The following CAPN13 variants were observed in gnomAD, a reference collection of about 807,000 sequenced individuals.
CAPN13 encodes calpain-13.
In CAPN13, 90 loss-of-function variants were observed where a neutral mutation model predicts 98.4. That is an observed-to-expected ratio of 0.92 (90% CI 0.77 to 1.09). The LOEUF (loss-of-function observed/expected upper bound fraction) is 1.09, where lower values mean the gene tolerates loss of function less well. Among genes scored for constraint, CAPN13 ranks in the 50% least tolerant of loss-of-function variants. CAPN13 has a pLI of 0.00. For synonymous variants in CAPN13, 330 were observed against 305.5 expected, an observed-to-expected ratio of 1.08 and a Z score of -0.84; for missense variants, 887 against 841.3, an observed-to-expected ratio of 1.05 and a Z score of -0.67.
At position 30,764,295 on chromosome 2, in the gene CAPN13, G is replaced by C; in HGVS notation, c.536C>G (p.Ser179Cys). ...LEKAYAKLLG[S>C]YSDLHYGFLE... ...GAAGCCATAGTGCAGATCGGAATAG[G>C]ATCCGAGCAGCCTGGGAGGGAATGG... The change falls in exon 6 of 23, where the codon TCC becomes TGC. Residue 179 changes from serine (S) to cysteine (C), a missense_variant. Physicochemically the swap from Ser to Cys is moderately radical, Grantham distance 112. Coordinates refer to ENST00000295055, the MANE Select transcript of CAPN13 (RefSeq NM_144575.3). 1 of 1,613,660 alleles carries C rather than the reference G, an allele frequency of 6.2e-7. No homozygotes were observed. Among genetic ancestry groups the C allele is most frequent in the Non-Finnish European group, 8.5e-7 (1 of 1,179,822 alleles).
rs1011960812 is a variant in CAPN13 at position 30,770,568 on chromosome 2, C to T, written c.388-119G>A. 1.3e-4 allele frequency: 157 copies of T among 1,240,386 alleles called. 1 individual carries two copies. In the Middle Eastern group the frequency reaches 4.0e-3, roughly 31 times the overall value. 76.8% of individuals were successfully genotyped at this position (1,240,386 alleles called of 1,614,324 possible). A position where few individuals can be genotyped will look rare whatever the true frequency, so the allele number is the denominator to read the frequency against. ...TACAATGCAATAATGAACTCTATTC[C>T]GAACAAAATCCCAGCCCAGGTTGCC... On this transcript the variant is annotated intron_variant, in intron 4 of 22. Coordinates refer to ENST00000295055, the MANE Select transcript of CAPN13 (RefSeq NM_144575.3).
At chr2:30,730,434 G>T (rs6711743) in intron 22 of CAPN13, among the ~76,000 whole-genome samples, 41,469 of 151,996 alleles carry the variant, frequency 0.27, 6,643 homozygotes, top group East Asian at 0.49. Context: ...TGCCCTTCCC[G>T]TGATGAGAGA....
At chr2:30,774,096 CT>C (rs1053028943) in intron 4 of CAPN13, among the ~76,000 whole-genome samples, 3 of 151,850 alleles carry the variant, frequency 2.0e-5, no homozygotes, top group African/African-American at 7.3e-5. Flanking sequence ...GAAACAACCC[CT>C]ATATGAAAAA....
At chr2:30,763,658 AC>A (rs1672957837) in intron 6 of CAPN13, among the ~76,000 whole-genome samples, 1 of 152,240 alleles carries the variant, frequency 6.6e-6, no homozygotes, top group Non-Finnish European at 1.5e-5. Context: ...TTGGAGGGTC[AC>A]CCAAGCTTTT....
chr2:30,796,067 A>AT (rs1364696282), intron 1 of CAPN13, among the ~76,000 whole-genome samples: 1 of 150,704 alleles, frequency 6.6e-6, no homozygotes, highest in Non-Finnish European at 1.5e-5. Flanking sequence ...CAATTACTTA[A>AT]TTTTCCCTCC....
chr2:30,771,630 A>C (rs1409876635), intron 4 of CAPN13, among the ~76,000 whole-genome samples: 5 of 152,238 alleles, frequency 3.3e-5, no homozygotes, highest in African/African-American at 4.8e-5. Context: ...CATCCGAAGC[A>C]CCGAGGGAAG....
At chr2:30,783,832 C>T (rs1261076747) in intron 2 of CAPN13, among the ~76,000 whole-genome samples, 1 of 152,162 alleles carries the variant, frequency 6.6e-6, no homozygotes, top group Non-Finnish European at 1.5e-5. Context: ...GACCTCTGGA[C>T]AGGCACTCAG....
intron 15 of CAPN13, among the ~76,000 whole-genome samples, chr2:30,740,082 GTTTTTTTTTTTTTTTTT>G (rs143581068): frequency 8.2e-5 from 10 of 121,408 alleles, no homozygotes; most frequent in Admixed American, 2.5e-4. Context: ...ATTGTATTAG[GTTTTTTTTTTTTTTTTT>G]TTTTTTTTTT....
rs766487024 is a variant in CAPN13, at chr2:30,730,824, A to G, written c.1984-38T>C. The G allele has an allele frequency of 7.7e-6, 6 of 780,518 alleles. No individual in the cohort carries two copies. The Admixed American group carries it at 1.0e-4, about 13-fold the overall frequency. The allele number at this position is 780,518 out of a possible 1,614,324, so 48.3% of individuals were successfully genotyped here. On this transcript the variant is annotated intron_variant, in intron 21 of 22. Coordinates refer to ENST00000295055, the MANE Select transcript of CAPN13 (RefSeq NM_144575.3). ...CATCATCATTACAACAATTCTTTACACTTGTTAGCTTAATACAGAGCAGGG... is the reference window on the plus strand; with the variant it reads ...CATCATCATTACAACAATTCTTTACGCTTGTTAGCTTAATACAGAGCAGGG...
chr2:30,764,310 G>A lies in CAPN13; in HGVS notation c.525-4C>T. ...ATCGGAATAGGATCCGAGCAGCCTG[G>A]GAGGGAATGGGGGATGAACCATCGT... On this transcript the variant is annotated splice_polypyrimidine_tract_variant and splice_region_variant and intron_variant, in intron 5 of 22. Transcript: ENST00000295055. 6.2e-7 allele frequency: 1 copy of A among 1,613,106 alleles called. No homozygotes were observed. Among genetic ancestry groups the A allele is most frequent in the Non-Finnish European group, 8.5e-7 (1 of 1,179,608 alleles).
intron 2 of CAPN13, among the ~76,000 whole-genome samples, chr2:30,783,065 G>T (rs1306608714): frequency 6.6e-6 from 1 of 152,110 alleles, no homozygotes; most frequent in Admixed American, 6.5e-5. Flanking sequence ...ATTTAATGAG[G>T]ATGATAGTAT....
chr2:30,732,174 A>AG (rs1417036986), intron 20 of CAPN13, among the ~76,000 whole-genome samples: 6 of 152,168 alleles, frequency 3.9e-5, no homozygotes, highest in Non-Finnish European at 7.3e-5. Flanking sequence ...GGAGACGGGG[A>AG]CAGCGTTAAC....
At chr2:30,784,448 A>G (rs1674153713) in intron 2 of CAPN13, among the ~76,000 whole-genome samples, 1 of 152,204 alleles carries the variant, frequency 6.6e-6, no homozygotes, top group Non-Finnish European at 1.5e-5. Context: ...CACTATTCTA[A>G]GTATTGTACT....
At position 30,722,987 on chromosome 2, in the gene CAPN13, G is replaced by A. The variant is rs1572767901; in HGVS notation, c.*280C>T. On this transcript the variant is annotated 3_prime_UTR_variant, in exon 23 of 23. Coordinates refer to ENST00000295055, the MANE Select transcript of CAPN13 (RefSeq NM_144575.3). Reference sequence around the variant, plus strand: ...ACAACTTCTCTTCTCCTTTCCCACAGGGAGACATCTCCTGCTTCCTTTTCC... The same window carrying A: ...ACAACTTCTCTTCTCCTTTCCCACAAGGAGACATCTCCTGCTTCCTTTTCC... 6.6e-6 allele frequency: 1 copy of A among 152,206 alleles called. No homozygotes were observed. Among genetic ancestry groups the A allele is most frequent in the African/African-American group, 2.4e-5 (1 of 41,460 alleles). 9.4% of individuals were successfully genotyped at this position (152,206 alleles called of 1,614,324 possible). A position where few individuals can be genotyped will look rare whatever the true frequency, so the allele number is the denominator to read the frequency against.
At chr2:30,742,829 G>A (rs1161363917) in intron 13 of CAPN13, among the ~76,000 whole-genome samples, 1 of 152,128 alleles carries the variant, frequency 6.6e-6, no homozygotes, top group Non-Finnish European at 1.5e-5. Context: ...AAGTTGGCAT[G>A]GAAGACCCTC....
chr2:30,776,931 T>G (rs994306843), intron 3 of CAPN13, among the ~76,000 whole-genome samples: 2 of 152,190 alleles, frequency 1.3e-5, no homozygotes, highest in African/African-American at 2.4e-5. Flanking sequence ...GCACGGTGAT[T>G]TCACCAGGCG....
Position 30,754,338 on chromosome 2 carries a change from T to C in CAPN13, c.893A>G (p.Asp298Gly), listed in dbSNP as rs754043302. 1.2e-6 allele frequency: 2 copies of C among 1,606,328 alleles called. No individual in the cohort carries two copies. The highest frequency in any genetic ancestry group is 1.7e-6 in the Non-Finnish European group (2 of 1,176,858). Residue 298 changes from aspartate (D) to glycine (G), a missense_variant, in exon 9 of 23, where the codon GAT (aspartate) becomes GGT (glycine). By Grantham distance (94) the Asp-to-Gly change is moderately conservative. Transcript: ENST00000295055. ...CTTATGTAGCTGGCTTTTCCGCGGA[T>C]CACAGGTTTCCTCCCACTCCTGAGA... ...DGSQEWEETC[D>G]PRKSQLHKKR...
intron 1 of CAPN13, among the ~76,000 whole-genome samples, chr2:30,795,006 T>C (rs1316351838): frequency 1.3e-5 from 2 of 152,134 alleles, no homozygotes; most frequent in Middle Eastern, 3.4e-3. Flanking sequence ...CTTAAACATA[T>C]GCAGTTTTTG....
At chr2:30,748,711 G>A in intron 11 of CAPN13, among the ~76,000 whole-genome samples, 1 of 152,150 alleles carries the variant, frequency 6.6e-6, no homozygotes, top group East Asian at 1.9e-4. Context: ...TTCCCTTAAA[G>A]TGGAAAAGGT....
Sources: allele counts gnomAD v4.1 joint callset (sites outside exome capture counted in the v4.1 genomes callset), GRCh38; gene constraint gnomAD v4.1.1; transcripts MANE v1.5; gene names NCBI Gene and HGNC (gene_info 2026-07-23, HGNC 2026-07-21).